The following UNC13B variants were observed in gnomAD, a reference collection of about 807,000 sequenced individuals.
The protein encoded by UNC13B is unc-13 homolog B, also known as protein unc-13 homolog B.
A neutral mutation model predicts 211.0 loss-of-function variants in UNC13B; 144 were observed. The observed-to-expected ratio is 0.68, with a 90% CI of 0.60 to 0.78. The LOEUF (loss-of-function observed/expected upper bound fraction) is 0.78. Among genes scored for constraint, UNC13B ranks in the 30% least tolerant of loss-of-function variants. UNC13B has a pLI of 0.00. For synonymous variants in UNC13B, 709 were observed against 725.8 expected (o/e 0.98, Z 0.37); for missense variants, 1,777 against 2,002.0 (o/e 0.89, Z 2.14).
chr9:35,320,219 T>C (rs1414244789), intron 11 of UNC13B, among the ~76,000 whole-genome samples: 1 of 152,222 alleles, frequency 6.6e-6, no homozygotes, highest in Non-Finnish European at 1.5e-5. Context: ...TGTGTTTTTT[T>C]GGTAGAACAA....
chr9:35,236,542 G>T lies in UNC13B; in HGVS notation c.226G>T (p.Gly76Trp). 1 of 1,614,132 alleles carries T rather than the reference G, an allele frequency of 6.2e-7. No individual in the cohort carries two copies. The highest frequency in any genetic ancestry group is 1.1e-5 in the South Asian group (1 of 91,070). Reference protein sequence around the residue: ...NKGLIWDTMVGTVWIALKTIR... With the variant: ...NKGLIWDTMVWTVWIALKTIR... Reference sequence around the variant, plus strand: ...AGGACTGATCTGGGACACCATGGTGGGGACTGTGTGGATTGCGCTGAAGAC... The same window carrying T: ...AGGACTGATCTGGGACACCATGGTGTGGACTGTGTGGATTGCGCTGAAGAC... The change falls in exon 4 of 40, where the codon GGG becomes TGG. Residue 76 changes from glycine to tryptophan, a missense_variant. By Grantham distance (184) the Gly-to-Trp change is radical. Coordinates refer to ENST00000635942, the MANE Select transcript of UNC13B (RefSeq NM_001371189.2).
chr9:35,361,972 G>T (rs1301920630), intron 11 of UNC13B: 16 of 152,210 alleles, frequency 1.1e-4, no homozygotes, highest in Non-Finnish European at 1.9e-4. Context: ...TAGAACGGTA[G>T]GGGAAGTACA....
At position 35,301,796 on chromosome 9, in the gene UNC13B, G is replaced by A; in HGVS notation, c.2392G>A (p.Asp798Asn). The A allele has an allele frequency of 5.0e-6, 2 of 398,826 alleles. No individual in the cohort carries two copies. Among genetic ancestry groups the A allele is most frequent in the Non-Finnish European group, 8.9e-6 (2 of 225,892 alleles). 24.7% of individuals were successfully genotyped at this position (398,826 alleles called of 1,614,324 possible). Residue 798 changes from aspartate to asparagine, a missense_variant, in exon 9 of 40, where the codon GAC becomes AAC. Coordinates refer to ENST00000635942, the MANE Select transcript of UNC13B (RefSeq NM_001371189.2). ...KEVFSKPLEE[D>N]KVTGNDDFLE... ...GGTATTTTCAAAGCCATTAGAGGAG[G>A]ACAAAGTTACAGGTAATGATGATTT...
chr9:35,217,640 C>T (rs1457988616), intron 1 of UNC13B, among the ~76,000 whole-genome samples: 12 of 152,262 alleles, frequency 7.9e-5, no homozygotes, highest in Non-Finnish European at 1.3e-4. Context: ...CCGCCCGCCT[C>T]GGCCTCCCAA....
chr9:35,167,510 C>T (rs751555747), intron 1 of UNC13B, among the ~76,000 whole-genome samples: 6 of 151,522 alleles, frequency 4.0e-5, no homozygotes, highest in Middle Eastern at 3.4e-3. Context: ...ATAATTTAAA[C>T]AGTTTTATAT....
At chr9:35,321,103 C>T (rs1260739371) in intron 11 of UNC13B, among the ~76,000 whole-genome samples, 1 of 151,858 alleles carries the variant, frequency 6.6e-6, no homozygotes, top group Non-Finnish European at 1.5e-5. Flanking sequence ...TTTTTTTTCT[C>T]ACTTTGTTTT....
rs908789060 is a variant in UNC13B, at chr9:35,316,050, C to G, written c.9414+2061C>G. 1.2e-4 allele frequency among the ~76,000 whole-genome samples: 19 copies of G among 152,192 alleles called. No homozygotes were observed. The Middle Eastern group carries it at 0.01, about 82-fold the overall frequency. On this transcript the variant is annotated intron_variant, in intron 11 of 39. Coordinates refer to ENST00000635942, the MANE Select transcript of UNC13B (RefSeq NM_001371189.2). ...TCCACTGTCAAGGTACCATTTCTTCCCTCTGTAATTGTTAAGTGCCTTGTG... is the reference window on the plus strand; with the variant it reads ...TCCACTGTCAAGGTACCATTTCTTCGCTCTGTAATTGTTAAGTGCCTTGTG...
chr9:35,399,090 G>A, intron 33 of UNC13B, 56 bp downstream of exon 33: 1 of 1,613,770 alleles, frequency 6.2e-7, no homozygotes, highest in Non-Finnish European at 8.5e-7. Context: ...ATGCTATCGG[G>A]CAAGGGAGCC....
intron 29 of UNC13B, among the ~76,000 whole-genome samples, 157 bp from the exon 30 acceptor site, chr9:35,397,478 G>A (rs926597594): frequency 6.6e-6 from 1 of 152,188 alleles, no homozygotes; most frequent in Admixed American, 6.5e-5. Context: ...TCTTAGTGCT[G>A]TTCTGTGGTT....
At chr9:35,256,528 G>T in intron 6 of UNC13B, among the ~76,000 whole-genome samples, 1 of 151,954 alleles carries the variant, frequency 6.6e-6, no homozygotes, top group Non-Finnish European at 1.5e-5. Context: ...TATTTTTTAA[G>T]CATTTTTGTC....
intron 7 of UNC13B, among the ~76,000 whole-genome samples, chr9:35,285,194 A>G (rs1348367228): frequency 6.6e-6 from 1 of 152,112 alleles, no homozygotes; most frequent in Non-Finnish European, 1.5e-5. Flanking sequence ...GCTCAGTAGG[A>G]TAGTGGGTCT....
intron 3 of UNC13B, among the ~76,000 whole-genome samples, chr9:35,232,324 G>A (rs1342505924): frequency 6.6e-6 from 1 of 151,062 alleles, no homozygotes; most frequent in Admixed American, 6.6e-5. Flanking sequence ...GAAACTACAA[G>A]CATGTACCAT....
chr9:35,304,663 A>G lies in UNC13B; in HGVS notation c.5259A>G (p.Ser1753=), dbSNP rs969277050. ...EETSLVNKVA[S]VFSVLGASVG... is the part of the protein sequence containing the mutation. ...CATCATTAGTGAACAAAGTGGCTTC[A>G]GTATTTTCTGTTTTGGGTGCCTCAG... The change falls in exon 9 of 40, where the codon TCA becomes TCG. Residue 1753 remains serine (S), a synonymous_variant. Coordinates refer to ENST00000635942, the MANE Select transcript of UNC13B (RefSeq NM_001371189.2). 7.3e-5 allele frequency: 29 copies of G among 398,854 alleles called. No homozygotes were observed. Among genetic ancestry groups the G allele is most frequent in the Middle Eastern group, 6.3e-4 (1 of 1,588 alleles). The allele number at this position is 398,854 out of a possible 1,614,324, so 24.7% of individuals were successfully genotyped here.
Position 35,295,704 on chromosome 9 carries a change from G to A in UNC13B, c.535G>A (p.Asp179Asn). 6.2e-7 allele frequency: 1 copy of A among 1,614,084 alleles called. No homozygotes were observed. Among genetic ancestry groups the A allele is most frequent in the South Asian group, 1.1e-5 (1 of 91,052 alleles). Residue 179 changes from aspartate (D) to asparagine (N), a missense_variant, in exon 8 of 40, where the codon GAC becomes AAC. Coordinates refer to ENST00000635942, the MANE Select transcript of UNC13B (RefSeq NM_001371189.2). ...ATGTGCTTATTCCATAGCTTTTGAA[G>A]ACCCTGATAGTGCCGTCGATGACCG... ...PTAAAQCSFE[D>N]PDSAVDDRDS...
rs1194164885 is a variant in UNC13B at position 35,342,066 on chromosome 9, GT to G, written c.9415-24874del. The G allele has an allele frequency of 8.1e-6, 8 of 985,260 alleles. No homozygotes were observed. In the Admixed American group the frequency reaches 2.5e-4, roughly 30 times the overall value. 61.0% of individuals were successfully genotyped at this position (985,260 alleles called of 1,614,324 possible). A position where few individuals can be genotyped will look rare whatever the true frequency, so the allele number is the denominator to read the frequency against. ...CTCCTGCCAAGCCCTTCACTGAGGG[GT>G]TTTTTTGCAGGGCATTGTTTCTGTC... On this transcript the variant is annotated intron_variant, in intron 11 of 39. Transcript: ENST00000635942.
At position 35,380,614 on chromosome 9, in the gene UNC13B, C is replaced by G; in HGVS notation, c.10350C>G (p.Gly3450=). 1 of 1,614,146 alleles carries G rather than the reference C, an allele frequency of 6.2e-7. No individual in the cohort carries two copies. Among genetic ancestry groups the G allele is most frequent in the Non-Finnish European group, 8.5e-7 (1 of 1,180,034 alleles). Residue 3450 remains glycine (G), a synonymous_variant, in exon 18 of 40, where the codon GGC becomes GGG. Coordinates refer to ENST00000635942, the MANE Select transcript of UNC13B (RefSeq NM_001371189.2). ...QTIIEVRTLS[G]EMDVWYNLEK... is the part of the protein sequence containing the mutation. Reference sequence around the variant, plus strand: ...TCATTGAGGTTCGGACCCTAAGTGGCGAGATGGACGTCTGGTACAACTTGG... The same window carrying G: ...TCATTGAGGTTCGGACCCTAAGTGGGGAGATGGACGTCTGGTACAACTTGG...
intron 6 of UNC13B, 70 bp from the exon 7 acceptor site, chr9:35,258,922 GA>G: frequency 1.3e-6 from 2 of 1,520,066 alleles, no homozygotes; most frequent in Non-Finnish European, 1.8e-6. Context: ...AGGTAGTTGT[GA>G]TTTTTTTCCC....
At chr9:35,260,944 G>T (rs1827240060) in intron 7 of UNC13B, among the ~76,000 whole-genome samples, 2 of 152,032 alleles carry the variant, frequency 1.3e-5, no homozygotes, top group Non-Finnish European at 2.9e-5. Context: ...ATGCCAAGAG[G>T]GCAGGAGGAA....
chr9:35,323,559 C>G (rs2131923393), intron 11 of UNC13B, among the ~76,000 whole-genome samples: 1 of 152,304 alleles, frequency 6.6e-6, no homozygotes, highest in Admixed American at 6.5e-5. Context: ...CCTAGCTGCT[C>G]CTCTGAATGC....
Sources: allele counts gnomAD v4.1 joint callset (sites outside exome capture counted in the v4.1 genomes callset), GRCh38; gene constraint gnomAD v4.1.1; transcripts MANE v1.5; gene names NCBI Gene and HGNC (gene_info 2026-07-23, HGNC 2026-07-21).